Variants in LRRC37A2 observed in about 807,000 individuals in gnomAD.
LRRC37A2 encodes the protein leucine rich repeat containing 37 member A2.
A neutral mutation model predicts 68.8 loss-of-function variants in LRRC37A2; 9 were observed. The observed-to-expected ratio is 0.13, with a 90% confidence interval of 0.08 to 0.23. The LOEUF is 0.23. Ranked by LOEUF, LRRC37A2 falls within the 10% of genes least tolerant of loss-of-function variation. LRRC37A2 has a pLI of 1.00. For synonymous variants in LRRC37A2, 63 were observed against 367.6 expected (o/e 0.17, Z 9.48); for missense variants, 168 against 950.4 (o/e 0.18, Z 10.82).
At chr17:47,003,583 G>A in the LRRC37A2 span, among the ~76,000 whole-genome samples, 1 of 152,244 alleles carries the variant, frequency 6.6e-6, no homozygotes, top group African/African-American at 2.4e-5. Context: ...CTGGATGGAA[G>A]GATGCGTTTC....
chr17:46,784,901 G>A, the LRRC37A2 span, among the ~76,000 whole-genome samples: 6 of 151,278 alleles, frequency 4.0e-5, no homozygotes, highest in South Asian at 2.1e-4. Context: ...TCAGCCTCCC[G>A]AGTAGCTGGG....
chr17:46,806,753 C>CGGAGG, the LRRC37A2 span, among the ~76,000 whole-genome samples: 3 of 152,338 alleles, frequency 2.0e-5, no homozygotes, highest in African/African-American at 4.8e-5. Context: ...AGGGCAGAAG[C>CGGAGG]GGAGGGGAGG....
chr17:46,846,298 A>T, the LRRC37A2 span, among the ~76,000 whole-genome samples: 1 of 152,194 alleles, frequency 6.6e-6, no homozygotes, highest in East Asian at 1.9e-4. Flanking sequence ...TCCAATGTTT[A>T]TTCATTCAGT....
chr17:46,935,256 G>A, the LRRC37A2 span: 148 of 1,606,220 alleles, frequency 9.2e-5, 1 homozygote, highest in East Asian at 8.9e-4. Flanking sequence ...TTTTGATTAC[G>A]TGTCCTCAAA....
At chr17:46,491,349 T>A in the LRRC37A2 span, among the ~76,000 whole-genome samples, 4 of 148,170 alleles carry the variant, frequency 2.7e-5, no homozygotes, top group Non-Finnish European at 5.9e-5. Flanking sequence ...CTCATTAATT[T>A]AAAAAATTAA....
At chr17:46,838,376 C>T in the LRRC37A2 span, among the ~76,000 whole-genome samples, 24 of 151,492 alleles carry the variant, frequency 1.6e-4, no homozygotes, top group African/African-American at 5.8e-4. Context: ...CTTGTAATCC[C>T]AACTTTTTGG....
chr17:46,844,783 A>C, the LRRC37A2 span, among the ~76,000 whole-genome samples: 1,589 of 151,920 alleles, frequency 0.01, 10 homozygotes, highest in Non-Finnish European at 0.016. Context: ...AGTCCCTAAG[A>C]AAGTTGTTTT....
chr17:46,875,494 A>G, the LRRC37A2 span: 1 of 1,297,124 alleles, frequency 7.7e-7, no homozygotes, highest in South Asian at 1.6e-5. Context: ...TAAAGGCAGG[A>G]TGAACTTCAC....
the LRRC37A2 span, among the ~76,000 whole-genome samples, chr17:46,817,855 G>C: frequency 6.6e-6 from 1 of 152,102 alleles, no homozygotes; most frequent in Non-Finnish European, 1.5e-5. Flanking sequence ...CCTTTTGCCA[G>C]GGTGGACAAG....
chr17:46,916,509 T>A, the LRRC37A2 span, among the ~76,000 whole-genome samples: 1 of 152,206 alleles, frequency 6.6e-6, no homozygotes, highest in Non-Finnish European at 1.5e-5. Flanking sequence ...AACATACATA[T>A]AAAACTCTGA....
chr17:46,730,051 C>T, the LRRC37A2 span, among the ~76,000 whole-genome samples: 1 of 152,028 alleles, frequency 6.6e-6, no homozygotes, highest in African/African-American at 2.4e-5. Flanking sequence ...CTGATTCCTG[C>T]AATATTTTCT....
chr17:46,748,443 A>G, the LRRC37A2 span, among the ~76,000 whole-genome samples: 2 of 152,182 alleles, frequency 1.3e-5, no homozygotes, highest in Non-Finnish European at 2.9e-5. Context: ...TAGCCAAACT[A>G]TTAAGACAAA....
chr17:46,782,761 C>T, the LRRC37A2 span, among the ~76,000 whole-genome samples: 1 of 152,238 alleles, frequency 6.6e-6, no homozygotes, highest in Non-Finnish European at 1.5e-5. Flanking sequence ...ACTGGAGCCG[C>T]TCACCTGGCT....
the LRRC37A2 span, among the ~76,000 whole-genome samples, chr17:46,905,296 G>A: frequency 6.6e-6 from 1 of 151,998 alleles, no homozygotes; most frequent in Non-Finnish European, 1.5e-5. Flanking sequence ...GGCTGGTCTC[G>A]AACTCCTGAC....
chr17:46,610,058 T>TCTTTCTTTC, the LRRC37A2 span, among the ~76,000 whole-genome samples: 1 of 139,554 alleles, frequency 7.2e-6, no homozygotes, highest in Admixed American at 7.4e-5. Flanking sequence ...TTTCTTTCTT[T>TCTTTCTTTC]CTTTCTTTCC....
the LRRC37A2 span, among the ~76,000 whole-genome samples, chr17:46,671,785 C>G: frequency 9.4e-5 from 12 of 127,352 alleles, no homozygotes; most frequent in East Asian, 2.4e-3. Flanking sequence ...GTTCAAAACA[C>G]ATTAATTTGA....
the LRRC37A2 span, chr17:46,768,425 C>T: frequency 5.6e-6 from 9 of 1,613,766 alleles, no homozygotes; most frequent in Admixed American, 8.3e-5. The surrounding 1 kb of genome is among the most constrained non-coding windows in gnomAD (Gnocchi z 5.0). Flanking sequence ...TCTCCGTCCT[C>T]GTGTTGTGGC....
chr17:46,956,568 CT>C, the LRRC37A2 span, among the ~76,000 whole-genome samples: 3 of 152,314 alleles, frequency 2.0e-5, no homozygotes, highest in Admixed American at 2.0e-4. Flanking sequence ...TACCAAAGTG[CT>C]GGGATTACAG....
At chr17:46,759,862 C>T in the LRRC37A2 span, among the ~76,000 whole-genome samples, 1 of 152,188 alleles carries the variant, frequency 6.6e-6, no homozygotes, top group Non-Finnish European at 1.5e-5. Flanking sequence ...ATTATGTCGT[C>T]TCTTTCAGAT....
Sources: allele counts gnomAD v4.1 joint callset (sites outside exome capture counted in the v4.1 genomes callset), GRCh38; gene constraint gnomAD v4.1.1; non-coding constraint Gnocchi (gnomAD v3.1); transcripts MANE v1.5; gene names NCBI Gene and HGNC (gene_info 2026-07-23, HGNC 2026-07-21).